The following SHISA9 variants were observed in gnomAD, a reference collection of about 807,000 sequenced individuals.
SHISA9 encodes shisa family member 9.
A neutral mutation model predicts 38.0 loss-of-function variants in SHISA9; 13 were observed. The observed-to-expected ratio is 0.34, with a 90% CI of 0.22 to 0.54. SHISA9 has a LOEUF of 0.54. Among genes scored for constraint, SHISA9 ranks in the 20% least tolerant of loss-of-function variants. The pLI is 0.91. For missense variants in SHISA9, 538 were observed against 575.8 expected (o/e 0.93, Z 0.67); for synonymous variants, 275 against 242.0 (o/e 1.14, Z -1.27).
the SHISA9 span, among the ~76,000 whole-genome samples, chr16:13,534,569 C>A: frequency 6.6e-6 from 1 of 152,114 alleles, no homozygotes; most frequent in African/African-American, 2.4e-5. Context: ...TTCCAAGTTG[C>A]CAAAATTAAT....
At chr16:13,011,625 C>T (rs946150543) in intron 2 of SHISA9, among the ~76,000 whole-genome samples, 3 of 152,000 alleles carry the variant, frequency 2.0e-5, no homozygotes, top group African/African-American at 7.3e-5. Flanking sequence ...GGGTTCATTC[C>T]ATTCTCCTGC....
chr16:13,292,365 G>A, the SHISA9 span, among the ~76,000 whole-genome samples: 2 of 151,974 alleles, frequency 1.3e-5, no homozygotes, highest in Non-Finnish European at 2.9e-5. Flanking sequence ...ACCAAGAAAG[G>A]CTTGGGTTTC....
At chr16:13,174,208 TTTAA>T (rs1399061798) in intron 2 of SHISA9, among the ~76,000 whole-genome samples, 3 of 152,218 alleles carry the variant, frequency 2.0e-5, no homozygotes, top group Admixed American at 2.0e-4. Context: ...TTTTCTGGGT[TTTAA>T]TTTTCATTAT....
chr16:13,001,807 T>C (rs868072741), intron 2 of SHISA9, among the ~76,000 whole-genome samples: 2 of 152,174 alleles, frequency 1.3e-5, no homozygotes, highest in South Asian at 2.1e-4. Context: ...AAAAATATAC[T>C]GGTGTCTGCA....
intron 2 of SHISA9, among the ~76,000 whole-genome samples, chr16:13,141,566 C>T (rs2050402025): frequency 6.6e-6 from 1 of 151,892 alleles, no homozygotes. Context: ...TGCCTGTAGT[C>T]CCAGCTACTG....
intron 2 of SHISA9, among the ~76,000 whole-genome samples, chr16:13,187,626 C>T (rs1311348032): frequency 4.6e-5 from 7 of 152,054 alleles, no homozygotes; most frequent in East Asian, 1.9e-4. Flanking sequence ...TGAGCCATTG[C>T]GCCCAGCCCA....
the SHISA9 span, among the ~76,000 whole-genome samples, chr16:13,510,237 G>A: frequency 6.6e-6 from 1 of 152,158 alleles, no homozygotes; most frequent in Admixed American, 6.5e-5. Context: ...GAATCCGGGA[G>A]GTAGAGGTTT....
chr16:12,907,297 C>CT (rs1393636561), intron 1 of SHISA9, among the ~76,000 whole-genome samples: 2 of 144,610 alleles, frequency 1.4e-5, no homozygotes, highest in African/African-American at 5.2e-5. Context: ...TTCTTTGCTT[C>CT]TTTTTTCCTT....
At chr16:13,104,146 T>C (rs918755039) in intron 2 of SHISA9, among the ~76,000 whole-genome samples, 2 of 152,180 alleles carry the variant, frequency 1.3e-5, no homozygotes, top group African/African-American at 4.8e-5. Context: ...TACGGTTGTC[T>C]AAGGGGGCCA....
At chr16:13,161,369 C>T (rs894943711) in intron 2 of SHISA9, among the ~76,000 whole-genome samples, 8 of 152,096 alleles carry the variant, frequency 5.3e-5, no homozygotes, top group Non-Finnish European at 1.0e-4. Flanking sequence ...AGACCTGGAC[C>T]CTAACACGTC....
intron 2 of SHISA9, among the ~76,000 whole-genome samples, chr16:13,189,908 C>T (rs1009222116): frequency 5.3e-5 from 8 of 151,942 alleles, no homozygotes; most frequent in Admixed American, 5.2e-4. Context: ...AGGAAGACTA[C>T]ACGATAGAAG....
At chr16:12,988,321 T>A (rs992669053) in intron 2 of SHISA9, among the ~76,000 whole-genome samples, 1 of 152,102 alleles carries the variant, frequency 6.6e-6, no homozygotes, top group African/African-American at 2.4e-5. Context: ...CAAATAACAT[T>A]CTCCCGCAGG....
the SHISA9 span, among the ~76,000 whole-genome samples, chr16:13,489,580 C>G: frequency 2.0e-5 from 3 of 152,242 alleles, no homozygotes; most frequent in East Asian, 5.8e-4. Context: ...GTGAATAAGT[C>G]TCATGAGATC....
the SHISA9 span, chr16:13,562,913 A>C: frequency 1.3e-5 from 2 of 152,226 alleles, no homozygotes; most frequent in Non-Finnish European, 2.9e-5. Flanking sequence ...AAAATTAAAA[A>C]AAAAAAGCTG....
chr16:13,370,841 T>G, the SHISA9 span, among the ~76,000 whole-genome samples: 1 of 152,126 alleles, frequency 6.6e-6, no homozygotes, highest in African/African-American at 2.4e-5. Flanking sequence ...TGGAGTGGAC[T>G]CAATAAAAAT....
chr16:13,196,328 C>T (rs1346735029), intron 2 of SHISA9, among the ~76,000 whole-genome samples: 2 of 145,690 alleles, frequency 1.4e-5, no homozygotes, highest in East Asian at 2.0e-4. Flanking sequence ...ACCCAGGAGG[C>T]GGAGCTTGCA....
intron 3 of SHISA9, 113 bp from the exon 4 acceptor site, chr16:13,213,140 C>G: frequency 6.9e-6 from 6 of 867,602 alleles, no homozygotes. Flanking sequence ...TGAGGCCTGT[C>G]CCTGCTTGGA....
At chr16:13,485,029 C>G in the SHISA9 span, among the ~76,000 whole-genome samples, 1 of 146,566 alleles carries the variant, frequency 6.8e-6, no homozygotes, top group Non-Finnish European at 1.5e-5. Context: ...GCCTCTTGTT[C>G]TTTTTTTTTT....
At chr16:13,444,046 C>T in the SHISA9 span, among the ~76,000 whole-genome samples, 1 of 151,950 alleles carries the variant, frequency 6.6e-6, no homozygotes, top group South Asian at 2.1e-4. Context: ...CTCACCCCTC[C>T]CCTTCACCAA....
Sources: gnomAD v4.1 joint callset for allele counts (sites outside exome capture counted in the v4.1 genomes callset) on GRCh38, gnomAD v4.1.1 for gene constraint, MANE v1.5 for transcripts, NCBI Gene and HGNC (gene_info 2026-07-23, HGNC 2026-07-21) for gene names.